The following PVT1 variants were observed in gnomAD, a reference collection of about 807,000 sequenced individuals.
The protein encoded by PVT1 is CXCR4/PVT1 fusion.
In PVT1 at chr8:127,858,283, T is replaced by G. The variant is rs563079604; in HGVS notation, n.373-32306T>G. Among the ~76,000 whole-genome samples, 28 of 152,236 alleles carry G rather than the reference T, an allele frequency of 1.8e-4. No homozygotes were observed. In the East Asian group the frequency reaches 5.2e-3, roughly 28 times the overall value. On this transcript the variant is annotated intron_variant and non_coding_transcript_variant, in intron 2 of 10. Transcript: ENST00000651587. ...TTAGCCGGGCATGGTGGCGGGTGCC[T>G]GTAATCCCAGCTACCAGGGAGGCTG... is the stretch of plus-strand genomic sequence containing the variant.
At chr8:127,972,514 C>T (rs552827215) in intron 3 of PVT1, among the ~76,000 whole-genome samples, 148 of 152,138 alleles carry the variant, frequency 9.7e-4, no homozygotes, top group African/African-American at 2.1e-3. Flanking sequence ...CCGAGGTGGT[C>T]GGATCACAAG....
At chr8:127,917,266 G>T (rs1815996636) in intron 3 of PVT1, among the ~76,000 whole-genome samples, 1 of 152,168 alleles carries the variant, frequency 6.6e-6, no homozygotes, top group Admixed American at 6.6e-5. Context: ...CTTGTGTTAA[G>T]TCCTGAAGAC....
intron 5 of PVT1, among the ~76,000 whole-genome samples, chr8:128,095,098 T>C (rs1301008212): frequency 6.6e-6 from 1 of 152,162 alleles, no homozygotes; most frequent in African/African-American, 2.4e-5. Flanking sequence ...GCAGCTGCAG[T>C]TTGGCTTGGC....
chr8:127,919,025 CT>C (rs968579743), intron 3 of PVT1, among the ~76,000 whole-genome samples: 53 of 152,230 alleles, frequency 3.5e-4, no homozygotes, highest in African/African-American at 1.3e-3. Context: ...TGACACCCTT[CT>C]TCAGATGACC....
chr8:127,878,974 G>A (rs377627041), intron 2 of PVT1, among the ~76,000 whole-genome samples: 16 of 152,344 alleles, frequency 1.1e-4, no homozygotes, highest in Middle Eastern at 3.4e-3. Context: ...CTGACAGGGA[G>A]CCAGTCTGGA....
In PVT1 at chr8:128,093,145, C is replaced by G. The variant is rs553530042; in HGVS notation, n.1115-3373C>G. 2.0e-5 allele frequency among the ~76,000 whole-genome samples: 3 copies of G among 152,288 alleles called. No individual in the cohort carries two copies. The East Asian group carries it at 5.8e-4, about 29-fold the overall frequency. On this transcript the variant is annotated intron_variant and non_coding_transcript_variant, in intron 5 of 10. Coordinates refer to ENST00000651587, the Ensembl canonical transcript of PVT1. ...CATGTTCCTTAAGGAAAAGATTCTA[C>G]CCTCACAATGCCTAAGCAGCTTGGA...
intron 5 of PVT1, among the ~76,000 whole-genome samples, chr8:128,088,988 A>T (rs1814313484): frequency 6.6e-6 from 1 of 152,214 alleles, no homozygotes; most frequent in Non-Finnish European, 1.5e-5. Context: ...CTTGTCCTCC[A>T]TGTGGCCCAA....
chr8:127,868,076 T>C (rs1388437563), intron 2 of PVT1, among the ~76,000 whole-genome samples: 1 of 152,248 alleles, frequency 6.6e-6, no homozygotes, highest in African/African-American at 2.4e-5. Flanking sequence ...TTTATTTTGC[T>C]TAACAAAGAA....
chr8:127,853,619 A>G (rs1044674539), intron 2 of PVT1, among the ~76,000 whole-genome samples: 2 of 152,052 alleles, frequency 1.3e-5, no homozygotes, highest in African/African-American at 2.4e-5. Flanking sequence ...TGTCTGTACT[A>G]AAAATACAAA....
chr8:127,930,490 C>T (rs529228189), intron 3 of PVT1, among the ~76,000 whole-genome samples: 4 of 152,220 alleles, frequency 2.6e-5, no homozygotes, highest in East Asian at 1.9e-4. Flanking sequence ...AAAATAAACC[C>T]GGGTTTGAAT....
In PVT1 at chr8:127,986,333, T is replaced by A. The variant is rs1430879750; in HGVS notation, n.783-2829T>A. ...CCTTGGCACTCAGGCTCTTCAGACG[T>A]CAAAGCACAGCGTTGGGCCCAGCAT... On this transcript the variant is annotated intron_variant and non_coding_transcript_variant, in intron 3 of 10. Transcript: ENST00000651587. Among the ~76,000 whole-genome samples the A allele has an allele frequency of 3.3e-5, 5 of 152,094 alleles. No individual in the cohort carries two copies. In the East Asian group the frequency reaches 9.7e-4, roughly 29 times the overall value.
At chr8:128,098,443 C>T (rs1373853521) in intron 6 of PVT1, among the ~76,000 whole-genome samples, 1 of 152,042 alleles carries the variant, frequency 6.6e-6, no homozygotes, top group Non-Finnish European at 1.5e-5. Flanking sequence ...ACCCTTGTCC[C>T]CTCCCCACCC....
chr8:127,826,994 C>CTCTT (rs773174973), intron 2 of PVT1, among the ~76,000 whole-genome samples: 17 of 113,940 alleles, frequency 1.5e-4, no homozygotes, highest in African/African-American at 5.6e-4. Flanking sequence ...TTCTTTTTCT[C>CTCTT]TTTTTTTTTT....
chr8:127,808,801 G>A (rs1268820356), intron 2 of PVT1, among the ~76,000 whole-genome samples: 4 of 151,850 alleles, frequency 2.6e-5, no homozygotes, highest in East Asian at 1.9e-4. Flanking sequence ...AGGCTGAGGC[G>A]GGCAGATCAC....
At chr8:128,044,015 A>ATTT (rs763124076) in intron 4 of PVT1, among the ~76,000 whole-genome samples, 25 of 127,352 alleles carry the variant, frequency 2.0e-4, no homozygotes, top group African/African-American at 7.5e-4. Context: ...TTATTTATTT[A>ATTT]TTTTTTTTTT....
intron 2 of PVT1, among the ~76,000 whole-genome samples, chr8:127,799,052 C>T (rs1482848455): frequency 1.3e-5 from 2 of 151,550 alleles, no homozygotes; most frequent in Non-Finnish European, 2.9e-5. Flanking sequence ...TGGTCTTATT[C>T]ATTTTTTAAT....
At chr8:127,868,285 A>G (rs1010692413) in intron 2 of PVT1, among the ~76,000 whole-genome samples, 2 of 152,158 alleles carry the variant, frequency 1.3e-5, no homozygotes, top group Non-Finnish European at 2.9e-5. Context: ...GGGAATTTAA[A>G]ACATGAGTTC....
intron 3 of PVT1, among the ~76,000 whole-genome samples, chr8:127,927,345 G>A (rs1816142943): frequency 6.6e-6 from 1 of 152,220 alleles, no homozygotes; most frequent in Non-Finnish European, 1.5e-5. Context: ...TCGCCAGATA[G>A]TTGTCATCAC....
At chr8:127,964,926 A>G (rs549821367) in intron 3 of PVT1, among the ~76,000 whole-genome samples, 5 of 152,266 alleles carry the variant, frequency 3.3e-5, no homozygotes, top group Admixed American at 6.5e-5. Flanking sequence ...CTCCCACAGC[A>G]TGGGATTACA....
Sources: gnomAD v4.1 joint callset for allele counts (sites outside exome capture counted in the v4.1 genomes callset) on GRCh38, gnomAD v4.1.1 for gene constraint, MANE v1.5 for transcripts, NCBI Gene and HGNC (gene_info 2026-07-23, HGNC 2026-07-21) for gene names.